The following IGF2R variants were observed in gnomAD, a reference collection of about 807,000 sequenced individuals.
The protein encoded by IGF2R is cation-independent mannose-6-phosphate receptor.
In IGF2R, 91 loss-of-function variants were observed where a neutral mutation model predicts 270.6. That is an observed-to-expected ratio of 0.34 (90% CI 0.28 to 0.40). The LOEUF is 0.40. IGF2R is among the 10% of genes least tolerant of loss of function. The pLI, the probability that IGF2R is intolerant of heterozygous loss-of-function variation, is 1.00. For missense variants in IGF2R, 2,805 were observed against 3,188.3 expected, an observed-to-expected ratio of 0.88 and a Z score of 2.90; for synonymous variants, 1,316 against 1,258.9, an observed-to-expected ratio of 1.05 and a Z score of -0.96.
Position 160,032,537 on chromosome 6 carries a change from A to C in IGF2R, c.883-14A>C, listed in dbSNP as rs8191762. On this transcript the variant is annotated splice_polypyrimidine_tract_variant and intron_variant, in intron 7 of 47. Transcript: ENST00000356956. ...ACATTTTTTATTTTGCTTCTTTCACATTGTTCCTGATAGGGCACCATTCCC... is the reference window on the plus strand; with the variant it reads ...ACATTTTTTATTTTGCTTCTTTCACCTTGTTCCTGATAGGGCACCATTCCC... 2 of 1,608,888 alleles carry C rather than the reference A, an allele frequency of 1.2e-6. No individual in the cohort carries two copies. Among genetic ancestry groups the C allele is most frequent in the African/African-American group, 2.7e-5 (2 of 74,682 alleles).
At chr6:160,064,636 T>A in intron 28 of IGF2R, 105 bp downstream of exon 28, 1 of 1,323,166 alleles carries the variant, frequency 7.6e-7, no homozygotes, top group Non-Finnish European at 1.1e-6. Flanking sequence ...ATCTCCTGGT[T>A]AACTGAGTTT....
chr6:160,055,151 A>T (rs1239777550), intron 19 of IGF2R, among the ~76,000 whole-genome samples: 1 of 151,988 alleles, frequency 6.6e-6, no homozygotes, highest in Non-Finnish European at 1.5e-5. Context: ...TTCTTCTCTC[A>T]GTCTCAGGAA....
At chr6:159,969,462 G>T in intron 1 of IGF2R, 67 bp downstream of exon 1, 1 of 1,111,340 alleles carries the variant, frequency 9.0e-7, no homozygotes, top group South Asian at 4.3e-5. Flanking sequence ...CGTGGGGGGC[G>T]GGGAGCGCTC....
rs773033403 is a variant in IGF2R, at chr6:160,069,337, G to A, written c.4253-531G>A. Among the ~76,000 whole-genome samples the A allele has an allele frequency of 4.9e-4, 75 of 152,074 alleles. 4 individuals are homozygous for A. Among genetic ancestry groups the A allele is most frequent in the Non-Finnish European group, 1.3e-4 (9 of 68,026 alleles). On this transcript the variant is annotated intron_variant, in intron 30 of 47. Coordinates refer to ENST00000356956, the MANE Select transcript of IGF2R (RefSeq NM_000876.4). ...TGGTTATTTTTAGCTGCAGAAGGTG[G>A]TTCCATCCTCTGTGTGGTTTGAGGC...
At chr6:160,033,930 A>T (rs557463149) in intron 9 of IGF2R, among the ~76,000 whole-genome samples, 139 of 152,340 alleles carry the variant, frequency 9.1e-4, no homozygotes, top group Non-Finnish European at 1.6e-3. Context: ...AAAAATTAGG[A>T]ACAGAAAACT....
chr6:160,102,823 C>A lies in IGF2R; in HGVS notation c.6995+152C>A. On this transcript the variant is annotated intron_variant, in intron 46 of 47. Transcript: ENST00000356956. The surrounding 1 kb of genome is among the most constrained non-coding windows in gnomAD (Gnocchi z 4.5). ...TAGTCCAAAACTCTCTGGAAGCAGTCCCCAGCGTTGTGGTTTTTAAATGCC... is the reference window on the plus strand; with the variant it reads ...TAGTCCAAAACTCTCTGGAAGCAGTACCCAGCGTTGTGGTTTTTAAATGCC... 1.1e-6 allele frequency: 1 copy of A among 937,320 alleles called. No individual in the cohort carries two copies. Among genetic ancestry groups the A allele is most frequent in the Non-Finnish European group, 1.6e-6 (1 of 641,820 alleles). 58.1% of individuals were successfully genotyped at this position (937,320 alleles called of 1,614,324 possible).
rs1039678333 is a variant in IGF2R at position 160,026,844 on chromosome 6, T to C, written c.647-341T>C. On this transcript the variant is annotated intron_variant, in intron 5 of 47. Transcript: ENST00000356956. ...CCTAATCTCCTAATTGTTCCAGTCA[T>C]CTGTGGAGTGCCTGCATTTTCTAGT... 2.8e-4 allele frequency among the ~76,000 whole-genome samples: 43 copies of C among 152,308 alleles called. 1 individual carries two copies. The highest frequency in any genetic ancestry group is 7.7e-4 in the East Asian group (4 of 5,176).
intron 14 of IGF2R, 91 bp downstream of exon 14, chr6:160,045,973 C>A: frequency 2.5e-6 from 3 of 1,178,648 alleles, no homozygotes; most frequent in Non-Finnish European, 3.5e-6. Context: ...TTCAAGGTGA[C>A]CCGCCTTAGA....
At chr6:160,033,806 A>G (rs1187701417) in intron 9 of IGF2R, among the ~76,000 whole-genome samples, 1 of 152,246 alleles carries the variant, frequency 6.6e-6, no homozygotes, top group East Asian at 1.9e-4. Context: ...ATTTTAAACA[A>G]CTAAAAAAAT....
Position 160,110,264 on chromosome 6 carries a change from C to T in IGF2R, c.*5180C>T, listed in dbSNP as rs1779715425. On this transcript the variant is annotated 3_prime_UTR_variant, in exon 48 of 48. Coordinates refer to ENST00000356956, the MANE Select transcript of IGF2R (RefSeq NM_000876.4). ...TTTCCAGAGGCTCCCACGGAGCATG[C>T]TGGGTGGGTGGTCTGTATGAGACCA... The T allele has an allele frequency of 1.3e-5, 2 of 152,214 alleles. No individual in the cohort carries two copies. The highest frequency in any genetic ancestry group is 4.1e-4 in the South Asian group (2 of 4,836). 9.4% of individuals were successfully genotyped at this position (152,214 alleles called of 1,614,324 possible).
Position 160,009,092 on chromosome 6 carries a change from C to T in IGF2R, c.372C>T (p.His124=), listed in dbSNP as rs557584976. ...TVSCDQQGTN[H]RVQSSIAFLC... ...GCTGTGACCAGCAAGGCACAAATCA[C>T]AGAGTCCAGAGCAGCATTGCCTTCC... The change falls in exon 3 of 48, where the codon CAC becomes CAT. Residue 124 remains histidine (H), a synonymous_variant. Coordinates refer to ENST00000356956, the MANE Select transcript of IGF2R (RefSeq NM_000876.4). The T allele has an allele frequency of 2.5e-6, 4 of 1,613,858 alleles. No homozygotes were observed. The highest frequency in any genetic ancestry group is 3.4e-6 in the Non-Finnish European group (4 of 1,179,884).
intron 25 of IGF2R, 133 bp downstream of exon 25, chr6:160,062,061 T>G (rs1437604909): frequency 1.3e-6 from 1 of 766,684 alleles, no homozygotes; most frequent in African/African-American, 1.7e-5. Context: ...TGCTAGGGTT[T>G]GACGAGAATG....
At chr6:160,023,264 G>A (rs911806508) in intron 4 of IGF2R, among the ~76,000 whole-genome samples, 4 of 152,220 alleles carry the variant, frequency 2.6e-5, no homozygotes, top group East Asian at 3.9e-4. Flanking sequence ...AGGACTTGCC[G>A]ATGGTTGGAT....
chr6:160,031,277 A>G lies in IGF2R; in HGVS notation c.883-1274A>G, dbSNP rs1394242753. Among the ~76,000 whole-genome samples, 4 of 152,166 alleles carry G rather than the reference A, an allele frequency of 2.6e-5. No homozygotes were observed. The East Asian group carries it at 7.7e-4, about 29-fold the overall frequency. ...TTTTAGGAGCTGGTATTTAGTAAAC[A>G]CTCACCTTGTCATATAGATCATTTT... On this transcript the variant is annotated intron_variant, in intron 7 of 47. Coordinates refer to ENST00000356956, the MANE Select transcript of IGF2R (RefSeq NM_000876.4).
At chr6:160,073,534 G>A (rs1005560750) in intron 34 of IGF2R, 65 bp downstream of exon 34, 4 of 1,572,596 alleles carry the variant, frequency 2.5e-6, no homozygotes, top group Admixed American at 1.7e-5. Context: ...GGGCCCCTTC[G>A]TCAGGTTCAC....
At position 160,104,669 on chromosome 6, in the gene IGF2R, G is replaced by T. The variant is rs749360670; in HGVS notation, c.7066-5G>T. 6.2e-7 allele frequency: 1 copy of T among 1,608,866 alleles called. No individual in the cohort carries two copies. The highest frequency in any genetic ancestry group is 1.1e-5 in the South Asian group (1 of 90,124). ...CACGTGGTCTCTGCTGTTGATCCCTGGCAGGTGAATAAGGAAGAAGAGACA... is the reference window on the plus strand; with the variant it reads ...CACGTGGTCTCTGCTGTTGATCCCTTGCAGGTGAATAAGGAAGAAGAGACA... On this transcript the variant is annotated splice_region_variant and splice_polypyrimidine_tract_variant and intron_variant, in intron 47 of 47. Transcript: ENST00000356956.
At position 160,058,987 on chromosome 6, in the gene IGF2R, G is replaced by C. The variant is rs1440412162; in HGVS notation, c.2980G>C (p.Glu994Gln). ...ASGCEAETQT[E>Q]ELKNWKPARP... ...TGGCTGTGAGGCAGAAACCCAAACT[G>C]AAGAGCTCAAGAATTGGAAGCCAGC... The change falls in exon 22 of 48, where the codon GAA (glutamate) becomes CAA (glutamine). Residue 994 changes from glutamate (E) to glutamine (Q), a missense_variant. Glu to Gln is a conservative substitution (Grantham distance 29). Coordinates refer to ENST00000356956, the MANE Select transcript of IGF2R (RefSeq NM_000876.4). 4.3e-6 allele frequency: 7 copies of C among 1,614,084 alleles called. No individual in the cohort carries two copies. Among genetic ancestry groups the C allele is most frequent in the Non-Finnish European group, 5.1e-6 (6 of 1,180,036 alleles).
chr6:160,016,477 G>A (rs1777303217), intron 4 of IGF2R, among the ~76,000 whole-genome samples: 1 of 152,244 alleles, frequency 6.6e-6, no homozygotes, highest in Non-Finnish European at 1.5e-5. Context: ...CATGGGAGTA[G>A]CCTCCTCGTT....
chr6:160,054,903 G>A (rs947212263), intron 19 of IGF2R, among the ~76,000 whole-genome samples: 3 of 152,176 alleles, frequency 2.0e-5, no homozygotes, highest in Non-Finnish European at 2.9e-5. Flanking sequence ...AAATGAGCCA[G>A]CAGGATGCGT....
Sources: gnomAD v4.1 joint callset for allele counts (sites outside exome capture counted in the v4.1 genomes callset) on GRCh38, gnomAD v4.1.1 for gene constraint, Gnocchi (gnomAD v3.1) non-coding constraint, MANE v1.5 for transcripts, NCBI Gene and HGNC (gene_info 2026-07-23, HGNC 2026-07-21) for gene names.